ARID4A: variants seen among roughly 807,000 people sequenced by gnomAD.
ARID4A encodes AT-rich interaction domain 4A.
A neutral mutation model predicts 148.6 loss-of-function variants in ARID4A; 39 were observed. The observed-to-expected ratio is 0.26, with a 90% CI of 0.20 to 0.34. ARID4A has a LOEUF of 0.34. ARID4A is among the 10% of genes least tolerant of loss of function. The probability of loss-of-function intolerance (pLI) is 1.00; values close to 1 mark genes in which losing one functional copy is unlikely to be tolerated. For synonymous variants in ARID4A, 475 were observed against 481.2 expected, an observed-to-expected ratio of 0.99 and a Z score of 0.17; for missense variants, 1,265 against 1,449.1, an observed-to-expected ratio of 0.87 and a Z score of 2.06.
chr14:58,320,717 C>T (rs1022916630), intron 7 of ARID4A, among the ~76,000 whole-genome samples: 1 of 151,812 alleles, frequency 6.6e-6, no homozygotes, highest in African/African-American at 2.4e-5. Flanking sequence ...TTGCCATTCT[C>T]CTGCCTCAGC....
chr14:58,339,111 T>C (rs1377865537), intron 11 of ARID4A, among the ~76,000 whole-genome samples: 1 of 151,556 alleles, frequency 6.6e-6, no homozygotes, highest in Non-Finnish European at 1.5e-5. Context: ...ACTAGGATTA[T>C]AGGCATGCAC....
At chr14:58,318,390 G>A (rs1447681066) in intron 5 of ARID4A, 152 bp from the exon 6 acceptor site, 1 of 746,172 alleles carries the variant, frequency 1.3e-6, no homozygotes, top group Non-Finnish European at 2.2e-6. Context: ...AATATGGCAT[G>A]GTATGCTCAT....
intron 5 of ARID4A, among the ~76,000 whole-genome samples, chr14:58,307,040 A>C (rs2031660509): frequency 6.6e-6 from 1 of 152,244 alleles, no homozygotes; most frequent in Non-Finnish European, 1.5e-5. Flanking sequence ...TAAAACCTTA[A>C]AGTAGTACTT....
At chr14:58,321,319 T>G (rs1398634075) in intron 7 of ARID4A, among the ~76,000 whole-genome samples, 2 of 152,002 alleles carry the variant, frequency 1.3e-5, no homozygotes, top group African/African-American at 2.4e-5. Flanking sequence ...CTTGCTACAT[T>G]TTTTGGTTAT....
chr14:58,370,455 C>A (rs938732015), intron 23 of ARID4A, among the ~76,000 whole-genome samples: 8 of 152,054 alleles, frequency 5.3e-5, no homozygotes, highest in Non-Finnish European at 1.2e-4. Context: ...CGCCACCATG[C>A]CTGGCTAATT....
intron 7 of ARID4A, among the ~76,000 whole-genome samples, chr14:58,319,950 T>C (rs2032750064): frequency 7.0e-6 from 1 of 143,328 alleles, no homozygotes; most frequent in Non-Finnish European, 1.5e-5. Flanking sequence ...TTTCTTTTCT[T>C]TTTTTTTTTT....
chr14:58,342,264 GGAAAA>G (rs1172122121), intron 11 of ARID4A, among the ~76,000 whole-genome samples: 4 of 152,004 alleles, frequency 2.6e-5, no homozygotes, highest in Non-Finnish European at 4.4e-5. Flanking sequence ...TATTTTTGGT[GGAAAA>G]GAAATTTCCC....
intron 9 of ARID4A, 75 bp downstream of exon 9, chr14:58,328,391 C>T: frequency 1.0e-6 from 1 of 955,196 alleles, no homozygotes; most frequent in South Asian, 1.5e-5. Context: ...ACACCTCCCC[C>T]ACCAAAACTT....
intron 15 of ARID4A, among the ~76,000 whole-genome samples, chr14:58,348,273 TTATC>T (rs1223115629): frequency 2.6e-5 from 4 of 152,188 alleles, no homozygotes; most frequent in African/African-American, 2.4e-5. Context: ...TTTATTGTGA[TTATC>T]TATTTTGCCC....
At chr14:58,359,292 T>A in intron 18 of ARID4A, 76 bp downstream of exon 18, 1 of 1,401,408 alleles carries the variant, frequency 7.1e-7, no homozygotes, top group Non-Finnish European at 9.7e-7. Context: ...TTTAAGACTT[T>A]AAGAACAGTT....
chr14:58,328,335 A>G lies in ARID4A; in HGVS notation c.662+19A>G, dbSNP rs935540019. The G allele has an allele frequency of 5.3e-6, 8 of 1,514,842 alleles. No individual in the cohort carries two copies. Among genetic ancestry groups the G allele is most frequent in the Non-Finnish European group, 7.3e-6 (8 of 1,092,802 alleles). 93.8% of individuals were successfully genotyped at this position (1,514,842 alleles called of 1,614,324 possible). On this transcript the variant is annotated intron_variant, in intron 9 of 23. Transcript: ENST00000355431. The stretch of plus-strand genomic sequence containing the variant: ...CTAAATTGTGAGTAATGAATCCTTT[A>G]ATGATGTTACGTGGGAGGAAAAAAA...
chr14:58,349,138 A>G (rs2034514431), intron 15 of ARID4A, among the ~76,000 whole-genome samples: 1 of 152,198 alleles, frequency 6.6e-6, no homozygotes, highest in Non-Finnish European at 1.5e-5. Flanking sequence ...TTATTCACTC[A>G]CCATAATGTC....
At chr14:58,344,789 T>A in intron 12 of ARID4A, 22 bp downstream of exon 12, 1 of 1,555,148 alleles carries the variant, frequency 6.4e-7, no homozygotes, top group African/African-American at 1.4e-5. Context: ...CTCATTATTT[T>A]AAAGTAGTCA....
intron 20 of ARID4A, 80 bp downstream of exon 20, chr14:58,365,380 G>T: frequency 6.9e-7 from 1 of 1,458,676 alleles, no homozygotes; most frequent in South Asian, 1.4e-5. Context: ...CTGTTGATCT[G>T]TAAAGTACTT....
At chr14:58,365,396 T>G in intron 20 of ARID4A, 96 bp downstream of exon 20, 1 of 1,445,122 alleles carries the variant, frequency 6.9e-7, no homozygotes, top group South Asian at 1.4e-5. Flanking sequence ...TACTTTCTTT[T>G]TCTTTTCTCT....
At chr14:58,345,823 T>G (rs1032335951) in intron 12 of ARID4A, among the ~76,000 whole-genome samples, 1 of 140,952 alleles carries the variant, frequency 7.1e-6, no homozygotes, top group Non-Finnish European at 1.5e-5. Flanking sequence ...CTCCACTTCC[T>G]GGGCTTAAGC....
chr14:58,312,360 G>A (rs1440901991), intron 5 of ARID4A, among the ~76,000 whole-genome samples: 1 of 151,874 alleles, frequency 6.6e-6, no homozygotes, highest in Non-Finnish European at 1.5e-5. Context: ...GGGATTACAG[G>A]CATATACCAT....
chr14:58,310,827 G>C (rs1399739014), intron 5 of ARID4A, among the ~76,000 whole-genome samples: 4 of 151,466 alleles, frequency 2.6e-5, no homozygotes, highest in African/African-American at 7.3e-5. Flanking sequence ...ACAATCCAGA[G>C]AGTGAAAAGA....
At chr14:58,361,555 A>G (rs2035132512) in intron 19 of ARID4A, among the ~76,000 whole-genome samples, 1 of 152,212 alleles carries the variant, frequency 6.6e-6, no homozygotes, top group South Asian at 2.1e-4. Flanking sequence ...CATAACAGTA[A>G]AACATATGAC....
Sources: allele counts gnomAD v4.1 joint callset (sites outside exome capture counted in the v4.1 genomes callset), GRCh38; gene constraint gnomAD v4.1.1; transcripts MANE v1.5; gene names NCBI Gene and HGNC (gene_info 2026-07-23, HGNC 2026-07-21).